Variants in ZMYM2 observed in about 807,000 individuals in gnomAD.
The protein encoded by ZMYM2 is zinc finger MYM-type containing 2.
ZMYM2 carries 56 observed loss-of-function variants against 162.8 expected under a neutral mutation model. That is an observed-to-expected ratio of 0.34 (90% CI 0.28 to 0.43). The LOEUF is 0.43. ZMYM2 is among the 20% of genes least tolerant of loss of function. The probability of loss-of-function intolerance (pLI) is 1.00; values close to 1 mark genes in which losing one functional copy is unlikely to be tolerated. For synonymous variants in ZMYM2, 510 were observed against 541.6 expected, an observed-to-expected ratio of 0.94 and a Z score of 0.81; for missense variants, 1,275 against 1,621.8, an observed-to-expected ratio of 0.79 and a Z score of 3.67.
intron 7 of ZMYM2, among the ~76,000 whole-genome samples, chr13:20,022,413 A>G (rs961861253): frequency 2.0e-5 from 3 of 152,244 alleles, no homozygotes; most frequent in South Asian, 2.1e-4. Flanking sequence ...CATGATGTCT[A>G]TGTTTTCCAT....
the ZMYM2 span, among the ~76,000 whole-genome samples, chr13:19,905,860 G>A: frequency 3.9e-5 from 6 of 152,190 alleles, no homozygotes; most frequent in African/African-American, 1.2e-4. Context: ...TAAAACTTGG[G>A]CTGGGCATGG....
chr13:20,018,123 A>G (rs748111048), intron 6 of ZMYM2, among the ~76,000 whole-genome samples: 2 of 152,182 alleles, frequency 1.3e-5, no homozygotes, highest in Admixed American at 1.3e-4. Flanking sequence ...ACATTAGCTG[A>G]TACCACCCTG....
chr13:19,884,966 T>A, the ZMYM2 span, among the ~76,000 whole-genome samples: 1 of 152,134 alleles, frequency 6.6e-6, no homozygotes, highest in African/African-American at 2.4e-5. Context: ...GAGTGCTGAT[T>A]GGTATATTTT....
At chr13:20,080,342 G>A (rs1383611564) in intron 21 of ZMYM2, among the ~76,000 whole-genome samples, 1 of 152,060 alleles carries the variant, frequency 6.6e-6, no homozygotes, top group Admixed American at 6.5e-5. Context: ...TCAGATGATG[G>A]CATTCTTATG....
At chr13:19,912,931 C>T in the ZMYM2 span, among the ~76,000 whole-genome samples, 1 of 152,188 alleles carries the variant, frequency 6.6e-6, no homozygotes, top group African/African-American at 2.4e-5. Context: ...CCTAGTGGAT[C>T]TGTTTGGATT....
At chr13:19,910,018 A>T in the ZMYM2 span, among the ~76,000 whole-genome samples, 1 of 150,316 alleles carries the variant, frequency 6.7e-6, no homozygotes, top group Non-Finnish European at 1.5e-5. Context: ...GATCGAGACC[A>T]TCCTGGCCAA....
chr13:19,874,757 G>T, the ZMYM2 span, among the ~76,000 whole-genome samples: 6 of 151,848 alleles, frequency 4.0e-5, no homozygotes, highest in Non-Finnish European at 7.4e-5. Flanking sequence ...TAGCTTTGGG[G>T]TCCATTATTA....
At chr13:19,930,680 C>G in the ZMYM2 span, among the ~76,000 whole-genome samples, 1 of 150,884 alleles carries the variant, frequency 6.6e-6, no homozygotes, top group Non-Finnish European at 1.5e-5. Context: ...GCTGGGATTA[C>G]AGACGACCGC....
chr13:19,984,156 T>G (rs746425544), intron 2 of ZMYM2, among the ~76,000 whole-genome samples: 7 of 152,180 alleles, frequency 4.6e-5, no homozygotes, highest in Non-Finnish European at 8.8e-5. Context: ...GTGATTTTGT[T>G]TTTTGAAGGT....
At chr13:19,954,363 G>C (rs186902506), upstream of ZMYM2, among the ~76,000 whole-genome samples, 405 of 151,758 alleles carry the variant, frequency 2.7e-3, 1 homozygote, top group African/African-American at 9.3e-3. Context: ...TGATCCGCCC[G>C]CCTCGGCCTC....
intron 7 of ZMYM2, chr13:20,024,684 G>C (rs1403141541): frequency 1.8e-5 from 4 of 221,330 alleles, no homozygotes; most frequent in African/African-American, 2.2e-5. Flanking sequence ...TCATCAAATA[G>C]ACCTCAGGAA....
chr13:19,972,379 A>G (rs1284418593), intron 2 of ZMYM2, among the ~76,000 whole-genome samples: 2 of 152,158 alleles, frequency 1.3e-5, no homozygotes, highest in Non-Finnish European at 2.9e-5. Flanking sequence ...ATATCACTTT[A>G]GTATGTATTA....
chr13:19,998,571 C>T (rs1013890362), intron 3 of ZMYM2, among the ~76,000 whole-genome samples: 1 of 152,112 alleles, frequency 6.6e-6, no homozygotes, highest in Non-Finnish European at 1.5e-5. Context: ...GACTTTCTTT[C>T]TCGTTGATTA....
the ZMYM2 span, among the ~76,000 whole-genome samples, chr13:19,878,128 C>T: frequency 1.3e-5 from 2 of 151,668 alleles, no homozygotes; most frequent in Non-Finnish European, 2.9e-5. Context: ...TCTCAGCTCA[C>T]TGCAACCTCA....
intron 12 of ZMYM2, among the ~76,000 whole-genome samples, chr13:20,045,898 A>G (rs1007505042): frequency 6.6e-6 from 1 of 151,944 alleles, no homozygotes; most frequent in African/African-American, 2.4e-5. Flanking sequence ...TACTGAATGT[A>G]TTTCTCTGTT....
intron 3 of ZMYM2, among the ~76,000 whole-genome samples, chr13:19,995,358 A>T (rs1030296041): frequency 5.3e-5 from 8 of 152,158 alleles, no homozygotes; most frequent in South Asian, 2.1e-4. Context: ...CTACTAAAAA[A>T]TTTTTAAAAA....
intron 5 of ZMYM2, 112 bp downstream of exon 5, chr13:20,005,351 A>G (rs1950660928): frequency 1.3e-6 from 1 of 745,006 alleles, no homozygotes. Flanking sequence ...AATATATATA[A>G]AGACTATCTT....
intron 7 of ZMYM2, chr13:20,024,650 C>T (rs1283873256): frequency 1.3e-5 from 3 of 222,968 alleles, no homozygotes; most frequent in Non-Finnish European, 2.7e-5. Flanking sequence ...TGTTTTTGTC[C>T]CTTTTCCAGT....
rs1953115694 is a variant in ZMYM2, at chr13:20,031,337, T to A, written c.1870T>A (p.Ser624Thr). 2 of 1,607,726 alleles carry A rather than the reference T, an allele frequency of 1.2e-6. No homozygotes were observed. Among genetic ancestry groups the A allele is most frequent in the Non-Finnish European group, 8.5e-7 (1 of 1,178,418 alleles). Residue 624 changes from serine to threonine, a missense_variant, in exon 10 of 25, where the codon TCT becomes ACT. Coordinates refer to ENST00000610343, the MANE Select transcript of ZMYM2 (RefSeq NM_197968.4). Reference protein sequence around the residue: ...AKFQALSMQSSPNGQFVAPSD... With the variant: ...AKFQALSMQSTPNGQFVAPSD... ...GTTTTAGGCTCTAAGTATGCAGTCA[T>A]CTCCAAATGGCCAGTTTGTAGCGCC...
Sources: allele counts gnomAD v4.1 joint callset (sites outside exome capture counted in the v4.1 genomes callset), GRCh38; gene constraint gnomAD v4.1.1; transcripts MANE v1.5; gene names NCBI Gene and HGNC (gene_info 2026-07-23, HGNC 2026-07-21).